NLRX1: variants seen among roughly 807,000 people sequenced by gnomAD.
NLRX1 encodes NLR family member X1.
NLRX1 carries 67 observed loss-of-function variants against 74.2 expected under a neutral mutation model. The observed-to-expected ratio is 0.90, with a 90% CI of 0.74 to 1.11. NLRX1 has a LOEUF of 1.11. Among genes scored for constraint, NLRX1 ranks in the 50% least tolerant of loss-of-function variants. NLRX1 has a pLI of 0.00. For missense variants in NLRX1, 1,191 were observed against 1,305.4 expected, an observed-to-expected ratio of 0.91 and a Z score of 1.35; for synonymous variants, 506 against 559.1, an observed-to-expected ratio of 0.91 and a Z score of 1.34.
chr11:119,172,712 C>T (rs1391830425), intron 3 of NLRX1, among the ~76,000 whole-genome samples, 189 bp from the exon 4 acceptor site: 1 of 152,084 alleles, frequency 6.6e-6, no homozygotes, highest in East Asian at 1.9e-4. Flanking sequence ...GTCTGGAGGG[C>T]TAGGGCTAAG....
chr11:119,179,654 A>ATT, intron 6 of NLRX1, 39 bp from the exon 7 acceptor site: 1 of 1,545,408 alleles, frequency 6.5e-7, no homozygotes, highest in South Asian at 1.2e-5. Context: ...GAACAGGCAC[A>ATT]TGGAAGGCCA....
At position 119,182,115 on chromosome 11, in the gene NLRX1, G is replaced by T. The variant is rs541138576; in HGVS notation, c.2376G>T (p.Thr792=). The T allele has an allele frequency of 1.9e-6, 3 of 1,614,106 alleles. No individual in the cohort carries two copies. Among genetic ancestry groups the T allele is most frequent in the Non-Finnish European group, 2.5e-6 (3 of 1,180,010 alleles). The change falls in exon 9 of 10, where the codon ACG becomes ACT. Residue 792 remains threonine, a synonymous_variant. Coordinates refer to ENST00000409109, the MANE Select transcript of NLRX1 (RefSeq NM_001282144.2). ...GTAGGCTGTCCAACAACCCGCTGAC[G>T]GCGGCAGGTGTTGCCGTGCTAATGG... is the stretch of plus-strand genomic sequence containing the variant. ...TTLRLSNNPL[T]AAGVAVLMEG...
chr11:119,170,946 C>A (rs926618517), intron 1 of NLRX1, among the ~76,000 whole-genome samples: 3 of 152,152 alleles, frequency 2.0e-5, no homozygotes, highest in East Asian at 1.9e-4. Context: ...AAGTTCAAGA[C>A]CAGCTTAACC....
chr11:119,183,273 T>C lies in NLRX1; in HGVS notation c.2762T>C (p.Leu921Pro). ...SVILSEVQRNLNSWDRARVQR... is the reference protein window; with the variant it reads ...SVILSEVQRNPNSWDRARVQR... ...ATCCTCAGTGAAGTCCAGCGGAACC[T>C]CAATAGCTGGGATCGGGCCCGGGTT... Residue 921 changes from leucine to proline, a missense_variant, in exon 10 of 10, where the codon CTC becomes CCC. Physicochemically the swap from Leu to Pro is moderately conservative, Grantham distance 98. Transcript: ENST00000409109. This position sits in a 1 kb window ranked among gnomAD's most constrained non-coding sequence, Gnocchi z 5.7. 6.2e-7 allele frequency: 1 copy of C among 1,614,208 alleles called. No homozygotes were observed.
At chr11:119,170,645 G>C (rs760584668) in intron 1 of NLRX1, among the ~76,000 whole-genome samples, 10 of 152,186 alleles carry the variant, frequency 6.6e-5, no homozygotes, top group Non-Finnish European at 1.5e-4. Flanking sequence ...TCAGCTAAAA[G>C]GATCTGATAT....
intron 2 of NLRX1, among the ~76,000 whole-genome samples, chr11:119,172,002 G>A (rs1469897087): frequency 6.6e-6 from 1 of 151,696 alleles, no homozygotes; most frequent in African/African-American, 2.4e-5. Flanking sequence ...AGAGTCTCTT[G>A]TAGCTACATA....
At chr11:119,175,327 C>T (rs1464589116) in intron 6 of NLRX1, 53 bp downstream of exon 6, 3 of 1,501,330 alleles carry the variant, frequency 2.0e-6, no homozygotes, top group Non-Finnish European at 2.7e-6. Flanking sequence ...TCCCCAGCAC[C>T]CCAAGCCGCC....
chr11:119,177,773 A>G (rs981585426), intron 6 of NLRX1: 1 of 152,184 alleles, frequency 6.6e-6, no homozygotes, highest in Non-Finnish European at 1.5e-5. Flanking sequence ...CTGAGTTGCA[A>G]CGAGAGGCTG....
rs998401894 is a variant in NLRX1, at chr11:119,183,806, T to G, written c.*367T>G. 1 of 780,698 alleles carries G rather than the reference T, an allele frequency of 1.3e-6. No individual in the cohort carries two copies. Among genetic ancestry groups the G allele is most frequent in the Non-Finnish European group, 2.4e-6 (1 of 417,938 alleles). The allele number at this position is 780,698 out of a possible 1,614,324, so 48.4% of individuals were successfully genotyped here. On this transcript the variant is annotated 3_prime_UTR_variant, in exon 10 of 10. Transcript: ENST00000409109. The surrounding 1 kb of genome is among the most constrained non-coding windows in gnomAD (Gnocchi z 5.7). Reference sequence around the variant, plus strand: ...GTGTCACCAAGGGGCTCACATCTTATGTCTGCCATGCCAGGGGTGTCGCCA... The same window carrying G: ...GTGTCACCAAGGGGCTCACATCTTAGGTCTGCCATGCCAGGGGTGTCGCCA...
rs1340879469 is a variant in NLRX1 at position 119,175,108 on chromosome 11, C to T, written c.1505C>T (p.Ala502Val). ...FTVPAMQEYLAALYIVLGLRK... is the reference protein window; with the variant it reads ...FTVPAMQEYLVALYIVLGLRK... The stretch of plus-strand genomic sequence containing the variant: ...GTGCCCGCCATGCAGGAATACCTGG[C>T]TGCCCTCTACATTGTGCTGGGTTTG... Residue 502 changes from alanine to valine, a missense_variant, in exon 6 of 10, where the codon GCT becomes GTT. By Grantham distance (64) the Ala-to-Val change is moderately conservative. Transcript: ENST00000409109. 1 of 1,614,190 alleles carries T rather than the reference C, an allele frequency of 6.2e-7. No individual in the cohort carries two copies. The highest frequency in any genetic ancestry group is 8.5e-7 in the Non-Finnish European group (1 of 1,180,034).
intron 5 of NLRX1, 37 bp downstream of exon 5, chr11:119,174,135 C>G (rs78947760): frequency 1.9e-6 from 3 of 1,599,558 alleles, no homozygotes; most frequent in Non-Finnish European, 2.6e-6. Context: ...CACTGCTGCC[C>G]GTTGACTCGC....
At chr11:119,172,824 A>G (rs1948587526) in intron 3 of NLRX1, 77 bp from the exon 4 acceptor site, 2 of 1,064,124 alleles carry the variant, frequency 1.9e-6, no homozygotes, top group East Asian at 2.4e-5. Flanking sequence ...AGCAGTGCAG[A>G]TAGGCTTGGA....
chr11:119,174,634 C>T lies in NLRX1; in HGVS notation c.1031C>T (p.Pro344Leu). The change falls in exon 6 of 10, where the codon CCA becomes CTA. Residue 344 changes from proline (P) to leucine (L), a missense_variant. Pro to Leu is a moderately conservative substitution (Grantham distance 98). Coordinates refer to ENST00000409109, the MANE Select transcript of NLRX1 (RefSeq NM_001282144.2). The stretch of plus-strand genomic sequence containing the variant: ...GGCGGTTCAGGTGTCTCTGCCACAC[C>T]AGCTCAGCGTGACCACCTGGTGCAG... Reference protein sequence around the residue: ...AVGGSGVSATPAQRDHLVQML... With the variant: ...AVGGSGVSATLAQRDHLVQML... 6.2e-7 allele frequency: 1 copy of T among 1,614,080 alleles called. No homozygotes were observed. The highest frequency in any genetic ancestry group is 1.1e-5 in the South Asian group (1 of 91,086).
rs1565837392 is a variant in NLRX1 at position 119,183,622 on chromosome 11, A to C, written c.*183A>C. ...GACCAGGACTGAGTCTGGAATCTCCAAGTTAAAGATGGTGAATCAATGCTT... is the reference window on the plus strand; with the variant it reads ...GACCAGGACTGAGTCTGGAATCTCCCAGTTAAAGATGGTGAATCAATGCTT... On this transcript the variant is annotated 3_prime_UTR_variant, in exon 10 of 10. Coordinates refer to ENST00000409109, the MANE Select transcript of NLRX1 (RefSeq NM_001282144.2). This position sits in a 1 kb window ranked among gnomAD's most constrained non-coding sequence, Gnocchi z 5.7. 1 of 721,244 alleles carries C rather than the reference A, an allele frequency of 1.4e-6. No homozygotes were observed. The highest frequency in any genetic ancestry group is 2.5e-6 in the Non-Finnish European group (1 of 400,682). The allele number at this position is 721,244 out of a possible 1,614,324, so 44.7% of individuals were successfully genotyped here. A position where few individuals can be genotyped will look rare whatever the true frequency, so the allele number is the denominator to read the frequency against.
rs377516736 is a variant in NLRX1, at chr11:119,173,499, C to T, written c.250C>T (p.Arg84Trp). The T allele has an allele frequency of 8.2e-5, 132 of 1,613,780 alleles. 1 individual carries two copies. The East Asian group carries it at 1.9e-3, about 23-fold the overall frequency. Residue 84 changes from arginine to tryptophan, a missense_variant, in exon 5 of 10, where the codon CGG (arginine) becomes TGG (tryptophan). By Grantham distance (101) the Arg-to-Trp change is moderately radical. Coordinates refer to ENST00000409109, the MANE Select transcript of NLRX1 (RefSeq NM_001282144.2). This position sits in a 1 kb window ranked among gnomAD's most constrained non-coding sequence, Gnocchi z 4.0. ...SATEAIQRHR[R>W]NLAEWFSRLP... ...CTCAGAAGCTATACAGCGGCACCGC[C>T]GGAACCTGGCTGAGTGGTTCAGCCG...
At chr11:119,180,317 G>A in intron 7 of NLRX1, 29 bp downstream of exon 7, 2 of 1,502,642 alleles carry the variant, frequency 1.3e-6, no homozygotes, top group Middle Eastern at 3.7e-4. Context: ...GCACAGGCAT[G>A]AAGAGGGAAG....
chr11:119,170,963 G>A (rs566059300), intron 1 of NLRX1, among the ~76,000 whole-genome samples: 2 of 152,208 alleles, frequency 1.3e-5, no homozygotes, highest in South Asian at 4.2e-4. Flanking sequence ...AACCAACATG[G>A]TAAACCCCGT....
rs752934669 is a variant in NLRX1, at chr11:119,183,862, C to CT, written c.*425dup. ...ATGTGTTGGAAGCTTCCCCTCCTGC[C>CT]TTATGCTCACCTGTGGACACCGAGG... On this transcript the variant is annotated 3_prime_UTR_variant, in exon 10 of 10. Transcript: ENST00000409109. The surrounding 1 kb of genome is among the most constrained non-coding windows in gnomAD (Gnocchi z 5.7). The CT allele has an allele frequency of 2.6e-6, 2 of 780,912 alleles. No homozygotes were observed. The highest frequency in any genetic ancestry group is 3.4e-5 in the Admixed American group (2 of 59,042). 48.4% of individuals were successfully genotyped at this position (780,912 alleles called of 1,614,324 possible). A position where few individuals can be genotyped will look rare whatever the true frequency, so the allele number is the denominator to read the frequency against.
chr11:119,172,310 G>A, intron 2 of NLRX1, 46 bp from the exon 3 acceptor site: 2 of 1,433,942 alleles, frequency 1.4e-6, no homozygotes, highest in Non-Finnish European at 2.0e-6. Context: ...TGGGTTCTGT[G>A]TATTGCATGG....
Sources: gnomAD v4.1 joint callset for allele counts (sites outside exome capture counted in the v4.1 genomes callset) on GRCh38, gnomAD v4.1.1 for gene constraint, Gnocchi (gnomAD v3.1) non-coding constraint, MANE v1.5 for transcripts, NCBI Gene and HGNC (gene_info 2026-07-23, HGNC 2026-07-21) for gene names.